Variants in LIMD1 observed in about 807,000 individuals in gnomAD.
LIMD1 encodes LIM domain containing 1, also known as LIM domain-containing protein 1.
In LIMD1, 23 loss-of-function variants were observed where a neutral mutation model predicts 58.4. The ratio of observed to expected loss-of-function variants is 0.39; its 90% CI spans 0.28 to 0.56. LIMD1 has a LOEUF of 0.56. Among genes scored for constraint, LIMD1 ranks in the 20% least tolerant of loss-of-function variants. The pLI is 0.57. For synonymous variants in LIMD1, 334 were observed against 345.5 expected (o/e 0.97, Z 0.37); for missense variants, 838 against 855.5 (o/e 0.98, Z 0.25).
At chr3:45,673,354 G>A in intron 5 of LIMD1, 100 bp from the exon 6 acceptor site, 1 of 881,216 alleles carries the variant, frequency 1.1e-6, no homozygotes, top group Non-Finnish European at 1.9e-6. Context: ...GGGGCAGGAG[G>A]CGGCATGGAG....
chr3:45,649,870 TC>T (rs1157318309), intron 2 of LIMD1, among the ~76,000 whole-genome samples: 5 of 145,774 alleles, frequency 3.4e-5, no homozygotes, highest in African/African-American at 1.3e-4. Context: ...TTTACTATTT[TC>T]TCCCTTTTTT....
rs2125644984 is a variant in LIMD1 at position 45,594,809 on chromosome 3, A to ACACACACAC, written c.-70_-62dup. The ACACACACAC allele has an allele frequency of 2.8e-6, 2 of 723,090 alleles. No individual in the cohort carries two copies. The highest frequency in any genetic ancestry group is 3.1e-5 in the East Asian group (1 of 31,760). The allele number at this position is 723,090 out of a possible 1,614,324, so 44.8% of individuals were successfully genotyped here. The stretch of plus-strand genomic sequence containing the variant: ...CACACACACACACACACACACACAC[A>ACACACACAC]CACACACACACACACACACACACAC... On this transcript the variant is annotated 5_prime_UTR_variant, in exon 1 of 8. Transcript: ENST00000273317.
intron 2 of LIMD1, among the ~76,000 whole-genome samples, chr3:45,649,079 C>A (rs975172343): frequency 6.6e-6 from 1 of 151,734 alleles, no homozygotes; most frequent in Non-Finnish European, 1.5e-5. Flanking sequence ...TCTTTTTTTG[C>A]CAGTGTTTTG....
intron 1 of LIMD1, among the ~76,000 whole-genome samples, chr3:45,605,720 G>A (rs1427610309): frequency 1.6e-4 from 25 of 152,242 alleles, no homozygotes; most frequent in Admixed American, 1.6e-3. Flanking sequence ...AACCCTGCAG[G>A]CCTTTTGAGG....
chr3:45,612,785 T>C (rs1701537921), intron 1 of LIMD1: 1 of 152,272 alleles, frequency 6.6e-6, no homozygotes, highest in African/African-American at 2.4e-5. Flanking sequence ...TTATATACAG[T>C]TGATCTTCAT....
Position 45,595,615 on chromosome 3 carries a change from G to A in LIMD1, c.736G>A (p.Gly246Ser), listed in dbSNP as rs1466693596. Residue 246 changes from glycine to serine, a missense_variant, in exon 1 of 8, where the codon GGT becomes AGT. By Grantham distance (56) the Gly-to-Ser change is moderately conservative. Around this residue, in one of 3 missense-constraint regions of LIMD1, gnomAD observed 659 missense variants for 639.8 expected, o/e 1.03. Coordinates refer to ENST00000273317, the MANE Select transcript of LIMD1 (RefSeq NM_014240.3). ...CAGGTCTTCTGAGGGTAGCCTCGGT[G>A]GTCAGAATAGTGGCATTGGTGGCCG... ...SSRSSEGSLG[G>S]QNSGIGGRSS... The A allele has an allele frequency of 6.2e-7, 1 of 1,614,010 alleles. No individual in the cohort carries two copies. Among genetic ancestry groups the A allele is most frequent in the Non-Finnish European group, 8.5e-7 (1 of 1,179,994 alleles).
In LIMD1 at chr3:45,594,931, C is replaced by G; in HGVS notation, c.52C>G (p.Leu18Val). The G allele has an allele frequency of 2.5e-6, 4 of 1,613,460 alleles. No homozygotes were observed. Among genetic ancestry groups the G allele is most frequent in the Non-Finnish European group, 3.4e-6 (4 of 1,179,958 alleles). ...GGAGGCCAGTAAATTCATCGAGGAC[C>G]TGAACATGTATGAGGCCTCTAAGGA... is the stretch of plus-strand genomic sequence containing the variant. ...GLEASKFIED[L>V]NMYEASKDGL... Residue 18 changes from leucine (L) to valine (V), a missense_variant, in exon 1 of 8, where the codon CTG becomes GTG. Leu to Val is a conservative substitution (Grantham distance 32, BLOSUM62 1). Coordinates refer to ENST00000273317, the MANE Select transcript of LIMD1 (RefSeq NM_014240.3).
chr3:45,607,262 C>G (rs1251813732), intron 1 of LIMD1, among the ~76,000 whole-genome samples: 1 of 152,118 alleles, frequency 6.6e-6, no homozygotes, highest in Non-Finnish European at 1.5e-5. Context: ...CCATTTTTCC[C>G]CTTACAGGGA....
chr3:45,617,650 C>T (rs1701588439), intron 1 of LIMD1, among the ~76,000 whole-genome samples: 1 of 152,218 alleles, frequency 6.6e-6, no homozygotes, highest in African/African-American at 2.4e-5. Flanking sequence ...AGGTCACTCA[C>T]CTGGTAAGCT....
At chr3:45,637,733 A>G (rs1386906900) in intron 2 of LIMD1, among the ~76,000 whole-genome samples, 6 of 141,412 alleles carry the variant, frequency 4.2e-5, no homozygotes, top group African/African-American at 9.9e-5. Context: ...TTCCCAGTAT[A>G]AAGTTAACCA....
rs1697734038 is a variant in LIMD1, at chr3:45,680,869, G to A, written c.*3810G>A. 1 of 152,198 alleles carries A rather than the reference G, an allele frequency of 6.6e-6. No homozygotes were observed. Among genetic ancestry groups the A allele is most frequent in the Non-Finnish European group, 1.5e-5 (1 of 68,128 alleles). 9.4% of individuals were successfully genotyped at this position (152,198 alleles called of 1,614,324 possible). On this transcript the variant is annotated 3_prime_UTR_variant, in exon 8 of 8. Transcript: ENST00000273317. Reference sequence around the variant, plus strand: ...CTACTAAAAATACAAAATTAGCTGGGTTTGGTGGCGCACGCCTGTAATCCC... The same window carrying A: ...CTACTAAAAATACAAAATTAGCTGGATTTGGTGGCGCACGCCTGTAATCCC...
In LIMD1 at chr3:45,631,721, A is replaced by G. The variant is rs1009334958; in HGVS notation, c.1409-4429A>G. On this transcript the variant is annotated intron_variant, in intron 1 of 7. Transcript: ENST00000273317. ...GGAGGAAGCCCTGCCGTTGAGAGAT[A>G]AAGTGGCAGGAAGTCCAGTGGGGCA... Among the ~76,000 whole-genome samples the G allele has an allele frequency of 2.0e-5, 3 of 152,176 alleles. No individual in the cohort carries two copies. In the South Asian group the frequency reaches 6.2e-4, roughly 32 times the overall value.
chr3:45,658,550 T>A, intron 2 of LIMD1, among the ~76,000 whole-genome samples: 1 of 134,730 alleles, frequency 7.4e-6, no homozygotes, highest in Admixed American at 7.5e-5. Context: ...TTTTTTTTTT[T>A]TTTTTTTTTT....
chr3:45,669,445 T>C (rs1017076766), intron 4 of LIMD1, among the ~76,000 whole-genome samples: 1 of 152,202 alleles, frequency 6.6e-6, no homozygotes, highest in African/African-American at 2.4e-5. Flanking sequence ...AAATAACTCA[T>C]AGAGTAAAAG....
intron 1 of LIMD1, among the ~76,000 whole-genome samples, chr3:45,611,944 G>A (rs900327): frequency 0.38 from 57,636 of 152,022 alleles, 11,327 homozygotes; most frequent in East Asian, 0.59. Context: ...GCCCAAATTT[G>A]TAGCCAGAGA....
intron 2 of LIMD1, among the ~76,000 whole-genome samples, chr3:45,637,592 G>A (rs1161577884): frequency 6.6e-6 from 1 of 152,176 alleles, no homozygotes; most frequent in African/African-American, 2.4e-5. Flanking sequence ...TGGGGCAAGT[G>A]TATTTTTTCA....
At chr3:45,624,934 G>A (rs987788692) in intron 1 of LIMD1, among the ~76,000 whole-genome samples, 2 of 147,906 alleles carry the variant, frequency 1.4e-5, no homozygotes, top group African/African-American at 2.5e-5. Context: ...TGGAGTAGGT[G>A]CCCCCCAAAG....
At chr3:45,670,381 T>G (rs1697574210) in intron 4 of LIMD1, among the ~76,000 whole-genome samples, 1 of 151,306 alleles carries the variant, frequency 6.6e-6, no homozygotes, top group African/African-American at 2.4e-5. Flanking sequence ...CAATAGTGAT[T>G]TCTTATTTAT....
In LIMD1 at chr3:45,673,502, T is replaced by TGA; in HGVS notation, c.1823_1824dup (p.Gly609ArgfsTer52). ...CCTGTGGGCTTCCCATCCTTCCACC[T>TGA]GAGGTAAGATGCCCTTCCAGACATG... On this transcript the variant is annotated frameshift_variant, in exon 6 of 8. Coordinates refer to ENST00000273317, the MANE Select transcript of LIMD1 (RefSeq NM_014240.3). LOFTEE classifies it high-confidence loss of function. 1 of 1,612,826 alleles carries TGA rather than the reference T, an allele frequency of 6.2e-7. No individual in the cohort carries two copies. Among genetic ancestry groups the TGA allele is most frequent in the Non-Finnish European group, 8.5e-7 (1 of 1,178,772 alleles).
Sources: gnomAD v4.1 joint callset for allele counts (sites outside exome capture counted in the v4.1 genomes callset) on GRCh38, gnomAD v4.1.1 for gene constraint, gnomAD v4.1.1 regional missense constraint, MANE v1.5 for transcripts, NCBI Gene and HGNC (gene_info 2026-07-23, HGNC 2026-07-21) for gene names.